SLC39A14: variants seen among roughly 807,000 people sequenced by gnomAD.
SLC39A14 encodes solute carrier family 39 member 14.
In SLC39A14, 19 loss-of-function variants were observed where a neutral mutation model predicts 45.5. That is an observed-to-expected ratio of 0.42 (90% CI 0.29 to 0.61). The LOEUF (loss-of-function observed/expected upper bound fraction) is 0.61. Among genes scored for constraint, SLC39A14 ranks in the 20% least tolerant of loss-of-function variants. The pLI, the probability that SLC39A14 is intolerant of heterozygous loss-of-function variation, is 0.22. For synonymous variants in SLC39A14, 264 were observed against 251.3 expected (o/e 1.05, Z -0.48); for missense variants, 447 against 616.5 (o/e 0.73, Z 2.91).
Position 22,387,924 on chromosome 8 carries a change from C to G in SLC39A14, c.-15-16772C>G, listed in dbSNP as rs571214863. Reference sequence around the variant, plus strand: ...ATCAGCTTGTCCAACATGGAGAAACCCCGTCTCTACTAAAAATAAAAAATT... The same window carrying G: ...ATCAGCTTGTCCAACATGGAGAAACGCCGTCTCTACTAAAAATAAAAAATT... On this transcript the variant is annotated intron_variant, in intron 1 of 8. Coordinates refer to ENST00000381237, the MANE Select transcript of SLC39A14 (RefSeq NM_001128431.4). Among the ~76,000 whole-genome samples, 12 of 152,298 alleles carry G rather than the reference C, an allele frequency of 7.9e-5. No individual in the cohort carries two copies. The East Asian group carries it at 2.1e-3, about 27-fold the overall frequency.
At chr8:22,382,538 C>T (rs1226268553) in intron 1 of SLC39A14, among the ~76,000 whole-genome samples, 6 of 152,032 alleles carry the variant, frequency 3.9e-5, no homozygotes, top group Non-Finnish European at 8.8e-5. Flanking sequence ...GCCCACCAGG[C>T]TTGGTGGCAT....
At chr8:22,368,976 T>A (rs1486895132) in intron 1 of SLC39A14, among the ~76,000 whole-genome samples, 1 of 152,152 alleles carries the variant, frequency 6.6e-6, no homozygotes, top group Non-Finnish European at 1.5e-5. Flanking sequence ...CCCAAGGATA[T>A]ACATCCTTGG....
intron 2 of SLC39A14, among the ~76,000 whole-genome samples, chr8:22,405,441 A>G (rs939337461): frequency 6.6e-6 from 1 of 152,184 alleles, no homozygotes; most frequent in Admixed American, 6.5e-5. Flanking sequence ...TGAACCCAGG[A>G]GGTGGAGGTT....
intron 8 of SLC39A14, among the ~76,000 whole-genome samples, chr8:22,428,545 C>T (rs925788538): frequency 1.1e-4 from 17 of 149,102 alleles, no homozygotes; most frequent in African/African-American, 3.0e-4. Flanking sequence ...CGGGTTCAAG[C>T]GATTCTCCTG....
At chr8:22,394,791 A>G (rs1325362120) in intron 1 of SLC39A14, among the ~76,000 whole-genome samples, 2 of 152,026 alleles carry the variant, frequency 1.3e-5, no homozygotes, top group Admixed American at 1.3e-4. Flanking sequence ...GACTTCTTTC[A>G]TGCCCCAGAA....
At chr8:22,370,842 C>T (rs76279132) in intron 1 of SLC39A14, among the ~76,000 whole-genome samples, 10,501 of 152,158 alleles carry the variant, frequency 0.069, 464 homozygotes, top group Non-Finnish European at 0.099. Context: ...CGGGACTCAC[C>T]GGGTGTCTGC....
chr8:22,396,989 C>T (rs1241817331), intron 1 of SLC39A14, among the ~76,000 whole-genome samples: 1 of 150,746 alleles, frequency 6.6e-6, no homozygotes, highest in African/African-American at 2.5e-5. Context: ...AAAAGTTCTA[C>T]TCATTTTGTT....
intron 1 of SLC39A14, among the ~76,000 whole-genome samples, chr8:22,370,789 G>C (rs911479946): frequency 2.0e-5 from 3 of 152,156 alleles, no homozygotes; most frequent in Non-Finnish European, 2.9e-5. Context: ...AGACATGGGA[G>C]GCTGGGGAGT....
chr8:22,400,157 G>A (rs1834773072), intron 1 of SLC39A14, among the ~76,000 whole-genome samples: 1 of 152,194 alleles, frequency 6.6e-6, no homozygotes, highest in South Asian at 2.1e-4. Context: ...TTTGTGCAGA[G>A]GGCATGGTGG....
intron 1 of SLC39A14, chr8:22,393,368 C>A: frequency 2.6e-6 from 1 of 377,368 alleles, no homozygotes; most frequent in Non-Finnish European, 3.7e-6. Flanking sequence ...AAGGTGTCAG[C>A]CTAGGTCAGC....
chr8:22,411,815 T>C, intron 3 of SLC39A14: 1 of 533,458 alleles, frequency 1.9e-6, no homozygotes, highest in Non-Finnish European at 3.4e-6. Context: ...TTGAAGGAAA[T>C]TTCATCAGAT....
chr8:22,401,634 A>G (rs4872489), intron 1 of SLC39A14, among the ~76,000 whole-genome samples: 84,170 of 144,996 alleles, frequency 0.58, 24,966 homozygotes, highest in African/African-American at 0.76. Context: ...TGCAAGCTCC[A>G]CCTCCTGGGT....
At chr8:22,388,272 C>T (rs1382508951) in intron 1 of SLC39A14, among the ~76,000 whole-genome samples, 2 of 152,202 alleles carry the variant, frequency 1.3e-5, no homozygotes, top group Non-Finnish European at 2.9e-5. Context: ...CTGTTTTCTT[C>T]ATCCAGGCCC....
rs1479754082 is a variant in SLC39A14, at chr8:22,373,281, C to T, written c.-16+5873C>T. 2.0e-5 allele frequency among the ~76,000 whole-genome samples: 3 copies of T among 151,064 alleles called. No individual in the cohort carries two copies. In the South Asian group the frequency reaches 6.3e-4, roughly 32 times the overall value. On this transcript the variant is annotated intron_variant, in intron 1 of 8. Coordinates refer to ENST00000381237, the MANE Select transcript of SLC39A14 (RefSeq NM_001128431.4). ...CATCTCAAAAAAAAAAAAAAAGTTT[C>T]ATGAAAAATAACTATATTTTCCAAA...
intron 1 of SLC39A14, among the ~76,000 whole-genome samples, chr8:22,368,524 T>TTATTG (rs918185927): frequency 5.5e-5 from 2 of 36,546 alleles, no homozygotes; most frequent in South Asian, 9.6e-4. Flanking sequence ...TTATTTTATT[T>TTATTG]TATTTTATTT....
chr8:22,402,374 G>C (rs2132297173), intron 1 of SLC39A14, among the ~76,000 whole-genome samples: 1 of 151,968 alleles, frequency 6.6e-6, no homozygotes, highest in South Asian at 2.1e-4. Context: ...GACAGAGCAA[G>C]ACTCCGTCTC....
downstream of SLC39A14, among the ~76,000 whole-genome samples, chr8:22,424,161 A>G (rs1265018869): frequency 6.6e-6 from 1 of 152,130 alleles, no homozygotes; most frequent in Non-Finnish European, 1.5e-5. Context: ...GGTGTTTCCA[A>G]GAAGACTTTT....
intron 1 of SLC39A14, among the ~76,000 whole-genome samples, chr8:22,395,095 C>T (rs999410428): frequency 3.3e-5 from 5 of 151,632 alleles, no homozygotes; most frequent in African/African-American, 9.7e-5. Context: ...CTGCAACCTT[C>T]GCCTCCCGGG....
intron 4 of SLC39A14, among the ~76,000 whole-genome samples, chr8:22,414,437 A>G (rs576833121): frequency 3.9e-5 from 6 of 152,364 alleles, no homozygotes; most frequent in Non-Finnish European, 5.9e-5. Context: ...CTCCTTCAAT[A>G]TGAAATCTAT....
Sources: gnomAD v4.1 joint callset for allele counts (sites outside exome capture counted in the v4.1 genomes callset) on GRCh38, gnomAD v4.1.1 for gene constraint, MANE v1.5 for transcripts, NCBI Gene and HGNC (gene_info 2026-07-23, HGNC 2026-07-21) for gene names.